Variants in TSHZ2 observed in about 807,000 individuals in gnomAD.
The protein encoded by TSHZ2 is teashirt homolog 2.
A neutral mutation model predicts 74.4 loss-of-function variants in TSHZ2; 21 were observed. The ratio of observed to expected loss-of-function variants is 0.28; its 90% CI spans 0.20 to 0.41. TSHZ2 has a LOEUF of 0.41. Among genes scored for constraint, TSHZ2 ranks in the 10% least tolerant of loss-of-function variants. TSHZ2 has a pLI of 1.00. For missense variants in TSHZ2, 1,244 were observed against 1,293.5 expected (o/e 0.96, Z 0.59); for synonymous variants, 540 against 515.3 (o/e 1.05, Z -0.65).
In TSHZ2 at chr20:53,312,279, A is replaced by G. The variant is rs374045693; in HGVS notation, c.*8+55708A>G. On this transcript the variant is annotated intron_variant, in intron 2 of 2. Coordinates refer to ENST00000371497, the MANE Select transcript of TSHZ2 (RefSeq NM_173485.6). ...ACCCTGAACTCTTTTACAAATATCA[A>G]GAGACGTGGAGACATTGTAACGGAG... Among the ~76,000 whole-genome samples, 21 of 152,232 alleles carry G rather than the reference A, an allele frequency of 1.4e-4. No homozygotes were observed. In the South Asian group the frequency reaches 2.9e-3, roughly 21 times the overall value.
intron 1 of TSHZ2, among the ~76,000 whole-genome samples, chr20:53,128,264 C>T (rs1298049354): frequency 1.3e-5 from 2 of 152,182 alleles, no homozygotes; most frequent in Non-Finnish European, 2.9e-5. Flanking sequence ...CATAACTAAA[C>T]TCATATGGGC....
chr20:53,327,202 A>G (rs1454694312), intron 2 of TSHZ2, among the ~76,000 whole-genome samples: 2 of 152,240 alleles, frequency 1.3e-5, no homozygotes, highest in Non-Finnish European at 2.9e-5. Context: ...TCAAACCAGA[A>G]CATACAGGTC....
intron 1 of TSHZ2, among the ~76,000 whole-genome samples, chr20:52,990,962 T>TG (rs1458478620): frequency 2.6e-5 from 4 of 152,208 alleles, no homozygotes; most frequent in Non-Finnish European, 4.4e-5. Flanking sequence ...ATGTATATTT[T>TG]GATTGTGTAT....
In TSHZ2 at chr20:53,383,654, G is replaced by T. The variant is rs368280504; in HGVS notation, c.*9-103490G>T. Among the ~76,000 whole-genome samples, 215 of 152,166 alleles carry T rather than the reference G, an allele frequency of 1.4e-3. 1 individual carries two copies. Among genetic ancestry groups the T allele is most frequent in the African/African-American group, 5.0e-3 (207 of 41,522 alleles). ...CCCATGCTTGTAATCCCAGCTACTC[G>T]GGAGGCTGAAGCAGGAGAATCTCTT... is the stretch of plus-strand genomic sequence containing the variant. On this transcript the variant is annotated intron_variant, in intron 2 of 2. Transcript: ENST00000371497.
chr20:53,313,810 A>C (rs956047341), intron 2 of TSHZ2, among the ~76,000 whole-genome samples: 1 of 152,218 alleles, frequency 6.6e-6, no homozygotes, highest in East Asian at 1.9e-4. Context: ...TTCCATTTGC[A>C]TAATTTTATG....
chr20:53,248,498 T>A (rs1413886959), intron 1 of TSHZ2, among the ~76,000 whole-genome samples: 2 of 152,218 alleles, frequency 1.3e-5, no homozygotes, highest in Non-Finnish European at 2.9e-5. Context: ...TCTTCTCCAA[T>A]AATATTTCTC....
At chr20:53,414,248 C>T (rs1983156425) in intron 2 of TSHZ2, among the ~76,000 whole-genome samples, 1 of 152,044 alleles carries the variant, frequency 6.6e-6, no homozygotes, top group East Asian at 1.9e-4. Context: ...TACAGGGGTA[C>T]TTTATATTTT....
Position 53,253,503 on chromosome 20 carries a change from C to T in TSHZ2, c.45C>T (p.Tyr15=), listed in dbSNP as rs8126248. The change falls in exon 2 of 3, where the codon TAC becomes TAT. Residue 15 remains tyrosine, a synonymous_variant. Coordinates refer to ENST00000371497, the MANE Select transcript of TSHZ2 (RefSeq NM_173485.6). ...TCTCTTCTTCTTCTCTTGCAGGCTA[C>T]GCCCAGGAGGAACAGCTGAAAGAAG... ...KQQAPKRAAG[Y]AQEEQLKEEE... The T allele has an allele frequency of 1.6e-3, 2,613 of 1,602,236 alleles. 37 individuals are homozygous for T. The African/African-American group carries it at 0.029, about 18-fold the overall frequency.
intron 2 of TSHZ2, among the ~76,000 whole-genome samples, chr20:53,295,284 G>A (rs1192659092): frequency 1.3e-5 from 2 of 152,160 alleles, no homozygotes; most frequent in African/African-American, 4.8e-5. Flanking sequence ...TCTTGGCCTT[G>A]CAGCTTTCTA....
intron 2 of TSHZ2, among the ~76,000 whole-genome samples, chr20:53,258,517 CT>C (rs1990532111): frequency 6.6e-6 from 1 of 152,032 alleles, no homozygotes; most frequent in Admixed American, 6.5e-5. Context: ...GGTTTGTAAT[CT>C]TTTTTAGAAA....
chr20:53,095,274 A>G (rs1986004116), intron 1 of TSHZ2, among the ~76,000 whole-genome samples: 1 of 152,166 alleles, frequency 6.6e-6, no homozygotes, highest in African/African-American at 2.4e-5. Flanking sequence ...CCTCAGCTTT[A>G]TATCTCTCAA....
chr20:53,113,480 T>TCTAA (rs1452210539), intron 1 of TSHZ2, among the ~76,000 whole-genome samples: 7 of 152,214 alleles, frequency 4.6e-5, no homozygotes, highest in African/African-American at 1.7e-4. Flanking sequence ...CACTCACGTA[T>TCTAA]CTAACATTTA....
chr20:53,378,207 G>A (rs6068530), intron 2 of TSHZ2, among the ~76,000 whole-genome samples: 23,828 of 151,810 alleles, frequency 0.16, 2,400 homozygotes, highest in South Asian at 0.34. Flanking sequence ...AGGTGTAGTG[G>A]TATGCGCCTG....
intron 1 of TSHZ2, among the ~76,000 whole-genome samples, chr20:53,090,312 C>T (rs1324687058): frequency 6.6e-6 from 1 of 152,202 alleles, no homozygotes; most frequent in Non-Finnish European, 1.5e-5. Flanking sequence ...CCTTTGTCAA[C>T]ACCCTCACAG....
chr20:53,046,664 G>C (rs1984239760), intron 1 of TSHZ2, among the ~76,000 whole-genome samples: 2 of 151,928 alleles, frequency 1.3e-5, no homozygotes, highest in South Asian at 4.2e-4. Context: ...ACAAAACCCT[G>C]GGAACTCAGC....
At chr20:53,282,293 T>A (rs1355992860) in intron 2 of TSHZ2, among the ~76,000 whole-genome samples, 1 of 152,226 alleles carries the variant, frequency 6.6e-6, no homozygotes, top group Non-Finnish European at 1.5e-5. Flanking sequence ...TTAATTTACA[T>A]AGCAATTCAA....
chr20:53,254,743 A>G lies in TSHZ2; in HGVS notation c.1285A>G (p.Met429Val), dbSNP rs1990424834. ...LVLDPLAVEKMQSLSEAPNSD... is the reference protein window; with the variant it reads ...LVLDPLAVEKVQSLSEAPNSD... ...ATTAGACCCGTTAGCAGTGGAGAAA[A>G]TGCAGTCGTTGTCTGAGGCCCCAAA... The change falls in exon 2 of 3, where the codon ATG (methionine) becomes GTG (valine). Residue 429 changes from methionine to valine, a missense_variant. Physicochemically the swap from Met to Val is conservative, Grantham distance 21. This residue lies in a region of TSHZ2 where 562 missense variants were observed against 544.0 expected (regional missense o/e 1.03). Transcript: ENST00000371497. 6.2e-7 allele frequency: 1 copy of G among 1,613,472 alleles called. No homozygotes were observed. The highest frequency in any genetic ancestry group is 8.5e-7 in the Non-Finnish European group (1 of 1,179,606).
rs1986463390 is a variant in TSHZ2 at position 53,492,082 on chromosome 20, A to AAC, written c.*4948_*4949insCA. ...CAAAGGCATTACAAAAAAAAAAAAA[A>AAC]AACTAACCACTCCATTCAACTCTCT... On this transcript the variant is annotated 3_prime_UTR_variant, in exon 3 of 3. Coordinates refer to ENST00000371497, the MANE Select transcript of TSHZ2 (RefSeq NM_173485.6). 1 of 151,998 alleles carries AAC rather than the reference A, an allele frequency of 6.6e-6. No homozygotes were observed. The highest frequency in any genetic ancestry group is 2.1e-4 in the South Asian group (1 of 4,822). The allele number at this position is 151,998 out of a possible 1,614,324, so 9.4% of individuals were successfully genotyped here.
At chr20:53,267,211 G>C (rs1168179504) in intron 2 of TSHZ2, among the ~76,000 whole-genome samples, 1 of 152,194 alleles carries the variant, frequency 6.6e-6, no homozygotes, top group Non-Finnish European at 1.5e-5. Context: ...GGCCTCGAGG[G>C]AAGATGGGAA....
Sources: allele counts gnomAD v4.1 joint callset (sites outside exome capture counted in the v4.1 genomes callset), GRCh38; gene constraint gnomAD v4.1.1; regional missense constraint gnomAD v4.1.1; transcripts MANE v1.5; gene names NCBI Gene and HGNC (gene_info 2026-07-23, HGNC 2026-07-21).